The following NRG3 variants were observed in gnomAD, a reference collection of about 807,000 sequenced individuals.
NRG3 encodes the protein pro-neuregulin-3, membrane-bound isoform.
In NRG3, 31 loss-of-function variants were observed where a neutral mutation model predicts 66.9. The observed-to-expected ratio is 0.46, with a 90% CI of 0.35 to 0.63. NRG3 has a LOEUF of 0.63. Ranked by LOEUF, NRG3 falls within the 20% of genes least tolerant of loss-of-function variation. The pLI, the probability that NRG3 is intolerant of heterozygous loss-of-function variation, is 0.00. For missense variants in NRG3, 910 were observed against 878.9 expected, an observed-to-expected ratio of 1.04 and a Z score of -0.45; for synonymous variants, 393 against 359.4, an observed-to-expected ratio of 1.09 and a Z score of -1.06.
intron 3 of NRG3, among the ~76,000 whole-genome samples, chr10:82,813,098 A>T (rs2135517220): frequency 6.6e-6 from 1 of 152,292 alleles, no homozygotes; most frequent in Non-Finnish European, 1.5e-5. Flanking sequence ...CACTCATGGC[A>T]GACCACAGCA....
chr10:82,377,816 G>A (rs1338501476), intron 2 of NRG3, among the ~76,000 whole-genome samples: 1 of 152,182 alleles, frequency 6.6e-6, no homozygotes, highest in Non-Finnish European at 1.5e-5. Context: ...ATCCTGGGAG[G>A]CTGGGATTTC....
chr10:81,894,407 G>A (rs188942740), intron 1 of NRG3, among the ~76,000 whole-genome samples: 8 of 152,298 alleles, frequency 5.3e-5, no homozygotes. Flanking sequence ...CCAAGATCAA[G>A]AGTCTGCAGC....
chr10:82,467,599 A>G (rs1208883418), intron 2 of NRG3, among the ~76,000 whole-genome samples: 1 of 152,140 alleles, frequency 6.6e-6, no homozygotes, highest in Non-Finnish European at 1.5e-5. Context: ...ATCCACACCA[A>G]GGGGCCCCAG....
At chr10:82,781,527 G>A (rs572629375) in intron 3 of NRG3, among the ~76,000 whole-genome samples, 43 of 152,172 alleles carry the variant, frequency 2.8e-4, no homozygotes, top group Non-Finnish European at 5.3e-4. Flanking sequence ...CATATCACCA[G>A]AATCCATCAC....
chr10:82,836,312 T>C (rs150614042), intron 3 of NRG3, among the ~76,000 whole-genome samples: 1 of 152,126 alleles, frequency 6.6e-6, no homozygotes, highest in Non-Finnish European at 1.5e-5. Flanking sequence ...GAGTTAACAA[T>C]CTGCAGGACA....
chr10:82,040,844 T>G (rs1419287797), intron 1 of NRG3, among the ~76,000 whole-genome samples: 1 of 152,058 alleles, frequency 6.6e-6, no homozygotes, highest in Non-Finnish European at 1.5e-5. Context: ...TTTAGGTATA[T>G]TTGAACAAAA....
intron 1 of NRG3, among the ~76,000 whole-genome samples, chr10:82,217,975 C>A (rs1462973694): frequency 6.6e-6 from 1 of 151,926 alleles, no homozygotes; most frequent in African/African-American, 2.4e-5. Context: ...TCCAAATTTT[C>A]TCATTTTCTT....
chr10:82,345,873 G>A (rs1252089374), intron 1 of NRG3, among the ~76,000 whole-genome samples: 14 of 151,348 alleles, frequency 9.3e-5, no homozygotes, highest in African/African-American at 2.7e-4. Context: ...TTTATCTGTT[G>A]TTGGTGTATA....
intron 4 of NRG3, among the ~76,000 whole-genome samples, chr10:82,889,937 G>A (rs1406152944): frequency 6.6e-6 from 1 of 152,152 alleles, no homozygotes; most frequent in East Asian, 1.9e-4. Flanking sequence ...CTGGTTTATA[G>A]ATCTTCTGTT....
chr10:82,750,304 A>G (rs532029105), intron 3 of NRG3, among the ~76,000 whole-genome samples: 7 of 152,300 alleles, frequency 4.6e-5, no homozygotes, highest in Non-Finnish European at 1.0e-4. Context: ...CATGAAATGG[A>G]ATGGTTTGAG....
At chr10:82,975,037 C>T (rs1852122531) in intron 7 of NRG3, among the ~76,000 whole-genome samples, 1 of 152,170 alleles carries the variant, frequency 6.6e-6, no homozygotes. Context: ...AGTCTATGTT[C>T]AATTCAGGAT....
chr10:81,981,641 T>C (rs2060336358), intron 1 of NRG3, among the ~76,000 whole-genome samples: 1 of 152,232 alleles, frequency 6.6e-6, no homozygotes, highest in African/African-American at 2.4e-5. Flanking sequence ...CAGCCTTGGC[T>C]TTCCATCCTC....
intron 3 of NRG3, among the ~76,000 whole-genome samples, chr10:82,814,720 C>T (rs888247725): frequency 3.3e-5 from 5 of 152,124 alleles, no homozygotes; most frequent in African/African-American, 1.2e-4. Context: ...CCAACAATTT[C>T]ACATGTATTT....
intron 2 of NRG3, among the ~76,000 whole-genome samples, chr10:82,434,943 A>G (rs1158201260): frequency 1.3e-5 from 2 of 152,072 alleles, no homozygotes; most frequent in African/African-American, 4.8e-5. Flanking sequence ...TGGTATCAGG[A>G]TGATGCTGGC....
intron 1 of NRG3, among the ~76,000 whole-genome samples, chr10:82,159,731 A>G (rs2071438904): frequency 6.6e-6 from 1 of 151,936 alleles, no homozygotes; most frequent in Admixed American, 6.6e-5. Context: ...CTTTGTTGAG[A>G]TAGACTTTGT....
At chr10:82,855,387 C>T (rs761334677) in intron 3 of NRG3, among the ~76,000 whole-genome samples, 15 of 151,828 alleles carry the variant, frequency 9.9e-5, no homozygotes, top group Admixed American at 9.2e-4. Context: ...ATCTATTAAC[C>T]GTAAACTCGT....
At chr10:82,078,993 G>A (rs1338390900) in intron 1 of NRG3, among the ~76,000 whole-genome samples, 1 of 152,050 alleles carries the variant, frequency 6.6e-6, no homozygotes, top group Non-Finnish European at 1.5e-5. Flanking sequence ...GTATATGTGT[G>A]TTTGTGTATA....
At chr10:82,134,249 G>A (rs754642682) in intron 1 of NRG3, among the ~76,000 whole-genome samples, 6 of 152,152 alleles carry the variant, frequency 3.9e-5, no homozygotes, top group Non-Finnish European at 7.3e-5. Context: ...TTCCTGTGCA[G>A]ACGCTCTTAA....
chr10:82,878,357 T>C (rs1193683872), intron 4 of NRG3, among the ~76,000 whole-genome samples: 1 of 152,218 alleles, frequency 6.6e-6, no homozygotes, highest in Non-Finnish European at 1.5e-5. Flanking sequence ...TGAGATTTTC[T>C]TAAACAGCTT....
Sources: gnomAD v4.1 joint callset for allele counts (sites outside exome capture counted in the v4.1 genomes callset) on GRCh38, gnomAD v4.1.1 for gene constraint, MANE v1.5 for transcripts, NCBI Gene and HGNC (gene_info 2026-07-23, HGNC 2026-07-21) for gene names.